EPB41L4A: variants seen among roughly 807,000 people sequenced by gnomAD.
EPB41L4A encodes the protein erythrocyte membrane protein band 4.1 like 4A.
A neutral mutation model predicts 108.6 loss-of-function variants in EPB41L4A; 100 were observed. The ratio of observed to expected loss-of-function variants is 0.92; its 90% CI spans 0.78 to 1.09. The LOEUF is 1.09. Among genes scored for constraint, EPB41L4A ranks in the 50% least tolerant of loss-of-function variants. The pLI is 0.00. For synonymous variants in EPB41L4A, 319 were observed against 289.0 expected (o/e 1.10, Z -1.05); for missense variants, 1,030 against 842.7 (o/e 1.22, Z -2.75).
chr5:112,253,551 A>G (rs1750845289), intron 9 of EPB41L4A, among the ~76,000 whole-genome samples: 1 of 152,190 alleles, frequency 6.6e-6, no homozygotes, highest in Non-Finnish European at 1.5e-5. Context: ...TAGATGGTAA[A>G]AGTATTATAT....
chr5:112,419,398 A>G, upstream of EPB41L4A: 1 of 358,530 alleles, frequency 2.8e-6, no homozygotes, highest in South Asian at 2.1e-5. Flanking sequence ...ACTGGGGGCA[A>G]GAGACCAGAA....
chr5:112,271,008 G>A (rs1046947246), intron 4 of EPB41L4A, among the ~76,000 whole-genome samples: 15 of 152,164 alleles, frequency 9.9e-5, no homozygotes, highest in African/African-American at 2.9e-4. Flanking sequence ...TTCAGATAGG[G>A]CTGTCAGCAA....
intron 9 of EPB41L4A, chr5:112,249,616 TGGC>T (rs1750513954): frequency 6.6e-6 from 1 of 152,192 alleles, no homozygotes; most frequent in Non-Finnish European, 1.5e-5. Context: ...AGTTTCCACC[TGGC>T]TAATGAATTT....
chr5:112,287,359 T>C (rs1354132866), intron 2 of EPB41L4A, among the ~76,000 whole-genome samples: 1 of 152,216 alleles, frequency 6.6e-6, no homozygotes, highest in Non-Finnish European at 1.5e-5. Flanking sequence ...CCTCTTTATC[T>C]TCTATCTCTT....
chr5:112,149,547 G>T lies in EPB41L4A; in HGVS notation n.995-3549C>A, dbSNP rs190814653. Among the ~76,000 whole-genome samples, 513 of 152,240 alleles carry T rather than the reference G, an allele frequency of 3.4e-3. 6 individuals carry two copies. The highest frequency in any genetic ancestry group is 0.012 in the African/African-American group (491 of 41,530). On this transcript the variant is annotated intron_variant and non_coding_transcript_variant, in intron 12 of 13. Coordinates refer to the EPB41L4A transcript ENST00000507810. ...GAAAGAATTGTTACGTTTATACATAGCTTGTTAGTTGAAAAAGCAGGATTA... is the reference window on the plus strand; with the variant it reads ...GAAAGAATTGTTACGTTTATACATATCTTGTTAGTTGAAAAAGCAGGATTA...
rs371233226 is a variant in EPB41L4A at position 112,406,123 on chromosome 5, G to A, written c.99+12818C>T. ...AAGAAAAAGAAGCAGGCTCCCTAAG[G>A]AATTCTGGAAAATTTGCACATCCTC... On this transcript the variant is annotated intron_variant, in intron 1 of 22. Transcript: ENST00000261486. Among the ~76,000 whole-genome samples the A allele has an allele frequency of 3.3e-5, 5 of 152,138 alleles. No individual in the cohort carries two copies. The East Asian group carries it at 7.7e-4, about 23-fold the overall frequency.
In EPB41L4A at chr5:112,317,991, C is replaced by A. The variant is rs146876482; in HGVS notation, c.100-10501G>T. Among the ~76,000 whole-genome samples, 875 of 152,144 alleles carry A rather than the reference C, an allele frequency of 5.8e-3. 2 individuals carry two copies. The highest frequency in any genetic ancestry group is 0.014 in the Middle Eastern group (4 of 294). Reference sequence around the variant, plus strand: ...ACTATACTAAAAAACAAAGGAATGTCCTTGATGACATAGATTGCAAAATAG... The same window carrying A: ...ACTATACTAAAAAACAAAGGAATGTACTTGATGACATAGATTGCAAAATAG... On this transcript the variant is annotated intron_variant, in intron 1 of 22. Transcript: ENST00000261486.
rs188621016 is a variant in EPB41L4A at position 112,391,701 on chromosome 5, T to C, written c.99+27240A>G. On this transcript the variant is annotated intron_variant, in intron 1 of 22. Transcript: ENST00000261486. Reference sequence around the variant, plus strand: ...AACTTTCCCAACCTAGCAAGGCAGGTCAACATTCAAATTCAGGAAATACAG... The same window carrying C: ...AACTTTCCCAACCTAGCAAGGCAGGCCAACATTCAAATTCAGGAAATACAG... Among the ~76,000 whole-genome samples, 6 of 152,002 alleles carry C rather than the reference T, an allele frequency of 3.9e-5. No homozygotes were observed. In the East Asian group the frequency reaches 1.2e-3, roughly 29 times the overall value.
rs897871478 is a variant in EPB41L4A at position 112,398,310 on chromosome 5, G to T, written c.99+20631C>A. On this transcript the variant is annotated intron_variant, in intron 1 of 22. Transcript: ENST00000261486. Reference sequence around the variant, plus strand: ...GGCCTACCAAATCTCTATCCTGGCAGTTAGTAAGAGTGAAGCGCTATCAGC... The same window carrying T: ...GGCCTACCAAATCTCTATCCTGGCATTTAGTAAGAGTGAAGCGCTATCAGC... Among the ~76,000 whole-genome samples, 4 of 152,256 alleles carry T rather than the reference G, an allele frequency of 2.6e-5. No homozygotes were observed. In the East Asian group the frequency reaches 7.7e-4, roughly 29 times the overall value.
intron 1 of EPB41L4A, among the ~76,000 whole-genome samples, chr5:112,398,857 C>G (rs1251791762): frequency 6.6e-6 from 1 of 151,198 alleles, no homozygotes. Context: ...CAAGGTGACA[C>G]GTCCAGGGCC....
chr5:112,411,048 G>T (rs1359932102), intron 1 of EPB41L4A, among the ~76,000 whole-genome samples: 1 of 152,150 alleles, frequency 6.6e-6, no homozygotes, highest in African/African-American at 2.4e-5. Context: ...TCATGTTCAA[G>T]TAGTTTGCAA....
chr5:112,187,457 A>C lies in EPB41L4A; in HGVS notation c.1503-3322T>G, dbSNP rs560715972. 2.0e-5 allele frequency among the ~76,000 whole-genome samples: 3 copies of C among 152,318 alleles called. No homozygotes were observed. In the East Asian group the frequency reaches 5.8e-4, roughly 29 times the overall value. On this transcript the variant is annotated intron_variant, in intron 17 of 22. Transcript: ENST00000261486. Reference sequence around the variant, plus strand: ...AACAGAATTCTAATGTATTTCTTCCATCTCTTACCAAACTTCAACACTCTA... The same window carrying C: ...AACAGAATTCTAATGTATTTCTTCCCTCTCTTACCAAACTTCAACACTCTA...
chr5:112,201,435 C>A (rs924674460), intron 15 of EPB41L4A, among the ~76,000 whole-genome samples: 4 of 152,174 alleles, frequency 2.6e-5, no homozygotes, highest in African/African-American at 9.7e-5. Context: ...GTATATGCTG[C>A]AAACTATTTC....
intron 18 of EPB41L4A, among the ~76,000 whole-genome samples, chr5:112,171,827 C>A (rs776450986): frequency 1.3e-5 from 2 of 152,116 alleles, no homozygotes; most frequent in Non-Finnish European, 2.9e-5. Context: ...TTTAAGAGAA[C>A]AGAGATCTAG....
intron 1 of EPB41L4A, among the ~76,000 whole-genome samples, chr5:112,357,481 T>C: frequency 6.6e-6 from 1 of 152,186 alleles, no homozygotes; most frequent in Admixed American, 6.5e-5. Flanking sequence ...CAACCACACC[T>C]GTGGCTTCAC....
intron 1 of EPB41L4A, among the ~76,000 whole-genome samples, chr5:112,345,895 CA>C (rs1757630150): frequency 6.6e-6 from 1 of 151,580 alleles, no homozygotes. Flanking sequence ...CCAAATTTTC[CA>C]ATATAAACAC....
At chr5:112,256,704 G>C (rs1162736564) in intron 9 of EPB41L4A, among the ~76,000 whole-genome samples, 3 of 151,910 alleles carry the variant, frequency 2.0e-5, no homozygotes, top group African/African-American at 7.3e-5. Flanking sequence ...AAATACAAAA[G>C]CATGTACAAA....
intron 1 of EPB41L4A, among the ~76,000 whole-genome samples, chr5:112,319,622 C>A (rs185434314): frequency 1.5e-4 from 23 of 152,184 alleles, no homozygotes; most frequent in African/African-American, 5.1e-4. Context: ...ATCAGACAAG[C>A]CGAAATTGAG....
At chr5:112,315,395 A>G (rs969854081) in intron 1 of EPB41L4A, among the ~76,000 whole-genome samples, 2 of 152,230 alleles carry the variant, frequency 1.3e-5, no homozygotes, top group African/African-American at 4.8e-5. Flanking sequence ...ACTTATTCTC[A>G]GTAAGAGCTG....
Sources: allele counts gnomAD v4.1 joint callset (sites outside exome capture counted in the v4.1 genomes callset), GRCh38; gene constraint gnomAD v4.1.1; transcripts MANE v1.5; gene names NCBI Gene and HGNC (gene_info 2026-07-23, HGNC 2026-07-21).